The following NEB variants were observed in gnomAD, a reference collection of about 807,000 sequenced individuals.
NEB encodes nemaline myopathy type 2.
NEB carries 512 observed loss-of-function variants against 952.2 expected under a neutral mutation model. The observed-to-expected ratio is 0.54, with a 90% CI of 0.50 to 0.58. The LOEUF is 0.58. NEB is among the 20% of genes least tolerant of loss of function. The pLI is 0.00. For missense variants in NEB, 8,428 were observed against 9,231.1 expected (o/e 0.91, Z 3.56); for synonymous variants, 2,900 against 3,149.8 (o/e 0.92, Z 2.66).
rs1241257622 is a variant in NEB at position 151,650,237 on chromosome 2, G to A, written c.7370C>T (p.Thr2457Ile). ...YRQPPDRNKF[T>I]SIPDAMDIVL... Reference sequence around the variant, plus strand: ...TATATCCATGGCATCAGGAATGCTGGTGAACTTGTTTCTGTCTGGAGGCTG... The same window carrying A: ...TATATCCATGGCATCAGGAATGCTGATGAACTTGTTTCTGTCTGGAGGCTG... The change falls in exon 54 of 182, where the codon ACC (threonine) becomes ATC (isoleucine). Residue 2457 changes from threonine to isoleucine, a missense_variant. Around this residue, in one of 11 missense-constraint regions of NEB, gnomAD observed 1,772 missense variants for 1,960.3 expected, o/e 0.90. Transcript: ENST00000397345. The A allele has an allele frequency of 6.2e-7, 1 of 1,613,880 alleles. No individual in the cohort carries two copies. Among genetic ancestry groups the A allele is most frequent in the East Asian group, 2.2e-5 (1 of 44,870 alleles).
chr2:151,674,563 A>G lies in NEB; in HGVS notation c.3901T>C (p.Tyr1301His), dbSNP rs6711382. ...TTGTTGCCCTTGGCTATTAAGTCAT[A>G]CCAATCCCGTTTATAACAGACCTGG... is the stretch of plus-strand genomic sequence containing the variant. ...ISDVCYKRDW[Y>H]DLIAKGNNVL... The change falls in exon 36 of 182, where the codon TAT (tyrosine) becomes CAT (histidine). Residue 1301 changes from tyrosine to histidine, a missense_variant. Transcript: ENST00000397345. 1,389,355 of 1,612,734 alleles carry G rather than the reference A, an allele frequency of 0.86. 604,938 individuals carry two copies. Among genetic ancestry groups the G allele is most frequent in the Admixed American group, 0.9 (54,162 of 60,006 alleles).
intron 20 of NEB, 50 bp downstream of exon 20, chr2:151,694,273 C>T: frequency 6.7e-7 from 1 of 1,489,292 alleles, no homozygotes; most frequent in Non-Finnish European, 9.4e-7. Flanking sequence ...TATTAAACAG[C>T]AACTTTGTGG....
chr2:151,494,139 C>T (rs567607576), intron 174 of NEB, 22 bp downstream of exon 174: 263 of 1,576,478 alleles, frequency 1.7e-4, no homozygotes, highest in Non-Finnish European at 2.0e-4. Context: ...ATTAAAAGCA[C>T]TTTTGTTTCT....
intron 71 of NEB, among the ~76,000 whole-genome samples, chr2:151,623,476 T>C (rs564490447): frequency 6.6e-6 from 1 of 152,180 alleles, no homozygotes; most frequent in Non-Finnish European, 1.5e-5. Flanking sequence ...TTATACCCCA[T>C]TCTCAAATTA....
At chr2:151,502,405 A>G (rs935412344) in intron 167 of NEB, among the ~76,000 whole-genome samples, 1 of 152,146 alleles carries the variant, frequency 6.6e-6, no homozygotes, top group Non-Finnish European at 1.5e-5. Context: ...AAAAAACTTA[A>G]AAGCTGCAAA....
At chr2:151,615,907 T>C (rs762375213) in intron 76 of NEB, 95 bp downstream of exon 76, 12 of 898,102 alleles carry the variant, frequency 1.3e-5, no homozygotes, top group Non-Finnish European at 1.7e-5. Flanking sequence ...TTGAGACTTA[T>C]AGGGGTAACT....
At chr2:151,514,965 A>T (rs1575765937) in intron 157 of NEB, 37 bp from the exon 158 acceptor site, 1 of 1,355,346 alleles carries the variant, frequency 7.4e-7, no homozygotes. Flanking sequence ...GTTAAAAAAA[A>T]ATCTTTATTA....
intron 9 of NEB, among the ~76,000 whole-genome samples, chr2:151,718,638 T>C (rs546329629): frequency 3.3e-5 from 5 of 152,252 alleles, no homozygotes; most frequent in African/African-American, 1.2e-4. Context: ...AGGGAATGAC[T>C]CCTGCACCCA....
chr2:151,728,615 A>T (rs1255587684), intron 4 of NEB, among the ~76,000 whole-genome samples: 1 of 152,184 alleles, frequency 6.6e-6, no homozygotes, highest in Non-Finnish European at 1.5e-5. Flanking sequence ...GTGAGAAATT[A>T]CTATTTCTTA....
intron 54 of NEB, among the ~76,000 whole-genome samples, chr2:151,646,839 AG>A (rs1446707830): frequency 6.6e-6 from 1 of 152,078 alleles, no homozygotes; most frequent in Non-Finnish European, 1.5e-5. Flanking sequence ...TAGTAGAAAC[AG>A]GGTTTCGCTA....
In NEB at chr2:151,727,777, T is replaced by G; in HGVS notation, c.208A>C (p.Lys70Gln). The G allele has an allele frequency of 6.2e-7, 1 of 1,613,758 alleles. No individual in the cohort carries two copies. The change falls in exon 5 of 182, where the codon AAG becomes CAG. Residue 70 changes from lysine (K) to glutamine (Q), a missense_variant. Coordinates refer to ENST00000397345, the MANE Select transcript of NEB (RefSeq NM_001164508.2). ...PASAKPVERR[K>Q]VIRKKVDPSK... is the part of the protein sequence containing the mutation. The stretch of plus-strand genomic sequence containing the variant: ...GGATCCACTTTCTTCCGGATGACCT[T>G]CCTCCTCTCCACCGGCTTTGCTGAT...
chr2:151,563,067 T>C (rs1295786481), intron 119 of NEB, among the ~76,000 whole-genome samples: 3 of 147,668 alleles, frequency 2.0e-5, no homozygotes, highest in Non-Finnish European at 4.5e-5. Flanking sequence ...CAGACTGGAT[T>C]GCAATGGTGT....
At chr2:151,552,435 G>T (rs1481890589) in intron 128 of NEB, among the ~76,000 whole-genome samples, 2 of 152,164 alleles carry the variant, frequency 1.3e-5, no homozygotes, top group Non-Finnish European at 2.9e-5. Context: ...AAGTGCTAAG[G>T]CACAAAGTTA....
chr2:151,658,951 C>T, intron 47 of NEB, 114 bp downstream of exon 47: 1 of 884,410 alleles, frequency 1.1e-6, no homozygotes, highest in South Asian at 1.3e-5. Flanking sequence ...TGTGGATTTC[C>T]ACCATTATTT....
chr2:151,539,691 G>A (rs1358159232), intron 138 of NEB, among the ~76,000 whole-genome samples: 1 of 152,162 alleles, frequency 6.6e-6, no homozygotes, highest in Admixed American at 6.5e-5. Flanking sequence ...TTCATTAACA[G>A]ATTATTAACA....
chr2:151,640,743 T>C (rs981015912), intron 60 of NEB, 77 bp from the exon 61 acceptor site: 2 of 1,435,036 alleles, frequency 1.4e-6, no homozygotes, highest in Admixed American at 2.4e-5. Context: ...ACTTGCTCTA[T>C]TTATTAAAAA....
At position 151,639,994 on chromosome 2, in the gene NEB, C is replaced by T. The variant is rs2098827207; in HGVS notation, c.8752G>A (p.Val2918Met). The part of the protein sequence containing the change: ...IGWVSIGSLD[V>M]EKCKRATEIL... ...TCAGTTGCCCTTTTGCATTTTTCCA[C>T]ATCCAAAGAGCCAATGGACACCCAG... The change falls in exon 62 of 182, where the codon GTG becomes ATG. Residue 2918 changes from valine (V) to methionine (M), a missense_variant. Around this residue, in one of 11 missense-constraint regions of NEB, gnomAD observed 1,772 missense variants for 1,960.3 expected, o/e 0.90. Transcript: ENST00000397345. The T allele has an allele frequency of 1.9e-6, 3 of 1,613,996 alleles. No individual in the cohort carries two copies. In the East Asian group the frequency reaches 6.7e-5, roughly 36 times the overall value.
At chr2:151,616,999 G>C (rs1322382863) in intron 75 of NEB, among the ~76,000 whole-genome samples, 1 of 152,200 alleles carries the variant, frequency 6.6e-6, no homozygotes, top group Non-Finnish European at 1.5e-5. Context: ...TACTGGAGCA[G>C]CAAAATAATA....
chr2:151,537,193 C>A lies in NEB; in HGVS notation c.21146G>T (p.Cys7049Phe), dbSNP rs748269558. ...EDLTWLKGIGCYAYDTPDFTL... is the reference protein window; with the variant it reads ...EDLTWLKGIGFYAYDTPDFTL... ...GAAATCAGGGGTATCATAGGCATAG[C>A]AACCAATGCCTTTAAGCCAAGTCAA... Residue 7049 changes from cysteine (C) to phenylalanine (F), a missense_variant, in exon 141 of 182, where the codon TGC becomes TTC. By Grantham distance (205) the Cys-to-Phe change is radical (BLOSUM62 -2). Transcript: ENST00000397345. 1 of 1,613,122 alleles carries A rather than the reference C, an allele frequency of 6.2e-7. No individual in the cohort carries two copies. The highest frequency in any genetic ancestry group is 1.7e-5 in the Admixed American group (1 of 59,990).
Sources: gnomAD v4.1 joint callset for allele counts (sites outside exome capture counted in the v4.1 genomes callset) on GRCh38, gnomAD v4.1.1 for gene constraint, gnomAD v4.1.1 regional missense constraint, MANE v1.5 for transcripts, NCBI Gene and HGNC (gene_info 2026-07-23, HGNC 2026-07-21) for gene names.